Variants in FAM118A observed in about 807,000 individuals in gnomAD.
FAM118A encodes the protein SIR2 antiphage like 2, also known as protein FAM118A.
FAM118A carries 25 observed loss-of-function variants against 38.2 expected under a neutral mutation model. The observed-to-expected ratio is 0.65, with a 90% CI of 0.48 to 0.91. The LOEUF is 0.91. Among genes scored for constraint, FAM118A ranks in the 40% least tolerant of loss-of-function variants. FAM118A has a pLI of 0.00. For missense variants in FAM118A, 425 were observed against 463.3 expected, an observed-to-expected ratio of 0.92 and a Z score of 0.76; for synonymous variants, 178 against 184.1, an observed-to-expected ratio of 0.97 and a Z score of 0.27.
In FAM118A at chr22:45,332,234, GGCT is replaced by G. The variant is rs532213472; in HGVS notation, c.652-183_652-181del. On this transcript the variant is annotated intron_variant, in intron 5 of 8. Coordinates refer to ENST00000441876, the MANE Select transcript of FAM118A (RefSeq NM_017911.4). ...CCCAGCTTTGGTCTTTGCTGCCACAGGCTGCTGCTGGGGGGTGGCCTGAGTGCC... is the reference window on the plus strand; with the variant it reads ...CCCAGCTTTGGTCTTTGCTGCCACAGGCTGCTGGGGGGTGGCCTGAGTGCC... Among the ~76,000 whole-genome samples the G allele has an allele frequency of 5.8e-3, 882 of 152,016 alleles. 2 individuals carry two copies. The highest frequency in any genetic ancestry group is 9.6e-3 in the Non-Finnish European group (656 of 68,014).
At chr22:45,309,257 ACACT>A (rs1275611225), upstream of FAM118A, 2 of 151,680 alleles carry the variant, frequency 1.3e-5, no homozygotes, top group African/African-American at 2.4e-5. Context: ...CGCGGGGAAG[ACACT>A]CACGCACGCA....
At chr22:45,322,449 T>A (rs750959320) in intron 2 of FAM118A, 23 bp downstream of exon 2, 2 of 1,592,680 alleles carry the variant, frequency 1.3e-6, no homozygotes, top group Non-Finnish European at 1.7e-6. Flanking sequence ...AACTATACCT[T>A]CAAGCAGCTT....
At chr22:45,317,972 G>C (rs2084681152) in intron 1 of FAM118A, among the ~76,000 whole-genome samples, 4 of 152,240 alleles carry the variant, frequency 2.6e-5, no homozygotes, top group Admixed American at 2.6e-4. Flanking sequence ...GTGGCTGCCA[G>C]CAGGCATGAG....
At chr22:45,335,301 C>A (rs738176) in intron 6 of FAM118A, 49 bp from the exon 7 acceptor site, 1 of 1,611,424 alleles carries the variant, frequency 6.2e-7, no homozygotes, top group Non-Finnish European at 8.5e-7. Flanking sequence ...CCGAGGAGGA[C>A]GAGCTCTTGG....
chr22:45,324,353 C>T (rs12168083), intron 3 of FAM118A, among the ~76,000 whole-genome samples: 1,732 of 152,144 alleles, frequency 0.011, 31 homozygotes, highest in African/African-American at 0.04. Flanking sequence ...GGGTGCCCTG[C>T]GGGCAGCTGT....
At chr22:45,335,416 T>G in intron 7 of FAM118A, 34 bp downstream of exon 7, 1 of 1,613,594 alleles carries the variant, frequency 6.2e-7, no homozygotes. Flanking sequence ...CAGCCTGTTT[T>G]TTGCCTACAC....
intron 1 of FAM118A, among the ~76,000 whole-genome samples, chr22:45,312,587 T>G (rs1466704347): frequency 6.6e-6 from 1 of 152,104 alleles, no homozygotes; most frequent in African/African-American, 2.4e-5. Flanking sequence ...GGCACGAGAA[T>G]CCCTTGAACC....
At chr22:45,321,929 A>G (rs1601905404) in intron 1 of FAM118A, 1 of 304,482 alleles carries the variant, frequency 3.3e-6, no homozygotes, top group South Asian at 2.9e-5. Context: ...ACCTTAGAGC[A>G]CTCGTTGGCT....
At chr22:45,323,045 GTGT>G in intron 2 of FAM118A, 127 bp from the exon 3 acceptor site, 1 of 723,620 alleles carries the variant, frequency 1.4e-6, no homozygotes, top group Non-Finnish European at 2.1e-6. Context: ...AGGGGACTGT[GTGT>G]GTGTGTGTGT....
At chr22:45,322,497 C>T in intron 2 of FAM118A, 71 bp downstream of exon 2, 2 of 1,365,348 alleles carry the variant, frequency 1.5e-6, no homozygotes, top group Non-Finnish European at 2.0e-6. Flanking sequence ...AGTGTGCGCA[C>T]TCGTTCTTTA....
chr22:45,340,564 G>A lies in FAM118A; in HGVS notation c.*159G>A. On this transcript the variant is annotated 3_prime_UTR_variant, in exon 9 of 9. Transcript: ENST00000441876. ...GGGCATGTGGCCCTCAAGGCTGGGT[G>A]AGAGGGCTCCCCTGTGTGTTGAACT... The A allele has an allele frequency of 1.2e-6, 1 of 802,082 alleles. No individual in the cohort carries two copies. The highest frequency in any genetic ancestry group is 2.1e-6 in the Non-Finnish European group (1 of 471,814). 49.7% of individuals were successfully genotyped at this position (802,082 alleles called of 1,614,324 possible).
Position 45,310,108 on chromosome 22 carries a change from C to A in FAM118A, c.-85C>A, listed in dbSNP as rs796220632. On this transcript the variant is annotated 5_prime_UTR_variant, in exon 1 of 9. Coordinates refer to ENST00000441876, the MANE Select transcript of FAM118A (RefSeq NM_017911.4). ...TCAGGGGTGCGCGGCCGCCGAGAGA[C>A]CCCGGAGGCGTAGCCGGCTGCGGAG... The A allele has an allele frequency of 2.6e-5, 4 of 152,210 alleles. No homozygotes were observed. In the South Asian group the frequency reaches 8.3e-4, roughly 32 times the overall value. 9.4% of individuals were successfully genotyped at this position (152,210 alleles called of 1,614,324 possible).
chr22:45,332,403 TTTC>T lies in FAM118A; in HGVS notation c.652-18_652-16del, dbSNP rs2085785903. ...TGCTGTCTTTCAAATGAGCACTCAATTTCTTCATTGGCCTTTTCTAGGAAGTCC... is the reference window on the plus strand; with the variant it reads ...TGCTGTCTTTCAAATGAGCACTCAATTTCATTGGCCTTTTCTAGGAAGTCC... On this transcript the variant is annotated intron_variant, in intron 5 of 8. Coordinates refer to ENST00000441876, the MANE Select transcript of FAM118A (RefSeq NM_017911.4). 1.3e-5 allele frequency: 21 copies of T among 1,597,414 alleles called. No homozygotes were observed. The highest frequency in any genetic ancestry group is 1.8e-5 in the Non-Finnish European group (21 of 1,172,436).
At chr22:45,333,690 A>G (rs2085887368) in intron 6 of FAM118A, among the ~76,000 whole-genome samples, 1 of 150,614 alleles carries the variant, frequency 6.6e-6, no homozygotes, top group Non-Finnish European at 1.5e-5. Context: ...AAAAAAAAAA[A>G]AAGAGCTGGG....
intron 2 of FAM118A, among the ~76,000 whole-genome samples, chr22:45,322,947 C>T (rs2084971257): frequency 6.6e-6 from 1 of 152,114 alleles, no homozygotes. Context: ...TGAGACACAG[C>T]TGTCCCACGT....
At chr22:45,329,774 T>C (rs1381233100) in intron 4 of FAM118A, 2 of 152,268 alleles carry the variant, frequency 1.3e-5, no homozygotes, top group South Asian at 4.1e-4. Flanking sequence ...TGGGGCTTGC[T>C]GTTGGAAACA....
intron 8 of FAM118A, 144 bp downstream of exon 8, chr22:45,336,555 G>A: frequency 1.6e-6 from 1 of 629,820 alleles, no homozygotes; most frequent in Middle Eastern, 4.1e-4. Flanking sequence ...GAGAGCACAG[G>A]AGGCTTACTT....
At chr22:45,336,106 A>G (rs2086075003) in intron 7 of FAM118A, among the ~76,000 whole-genome samples, 1 of 152,176 alleles carries the variant, frequency 6.6e-6, no homozygotes, top group Non-Finnish European at 1.5e-5. Context: ...GTTGCCACCT[A>G]TTCCCATGCG....
At chr22:45,334,658 G>T (rs2085959222) in intron 6 of FAM118A, among the ~76,000 whole-genome samples, 1 of 152,194 alleles carries the variant, frequency 6.6e-6, no homozygotes, top group Non-Finnish European at 1.5e-5. Flanking sequence ...TGATTTCATA[G>T]ACGAGATGAG....
Sources: gnomAD v4.1 joint callset for allele counts (sites outside exome capture counted in the v4.1 genomes callset) on GRCh38, gnomAD v4.1.1 for gene constraint, MANE v1.5 for transcripts, NCBI Gene and HGNC (gene_info 2026-07-23, HGNC 2026-07-21) for gene names.